The following ADGB variants were observed in gnomAD, a reference collection of about 807,000 sequenced individuals.
ADGB encodes the protein androglobin, also known as calpain-7-like protein.
Under a neutral mutation model 210.5 loss-of-function variants are expected in ADGB, and 172 were observed. That is an observed-to-expected ratio of 0.82 (90% CI 0.72 to 0.93). ADGB has a LOEUF of 0.93. ADGB is among the 40% of genes least tolerant of loss of function. The pLI is 0.00. For synonymous variants in ADGB, 658 were observed against 662.7 expected, an observed-to-expected ratio of 0.99 and a Z score of 0.11; for missense variants, 2,025 against 1,964.8, an observed-to-expected ratio of 1.03 and a Z score of -0.58.
At chr6:146,737,656 C>A (rs1056855141) in intron 23 of ADGB, among the ~76,000 whole-genome samples, 1 of 152,192 alleles carries the variant, frequency 6.6e-6, no homozygotes, top group Non-Finnish European at 1.5e-5. Flanking sequence ...GGAGCACAAA[C>A]CCTCTTTTCC....
At chr6:146,682,511 C>T (rs17076197) in intron 9 of ADGB, among the ~76,000 whole-genome samples, 1,991 of 151,942 alleles carry the variant, frequency 0.013, 49 homozygotes, top group African/African-American at 0.045. Flanking sequence ...TCTTAAATTT[C>T]TTTCTCAATT....
chr6:146,701,736 A>G (rs1246246614), intron 13 of ADGB, among the ~76,000 whole-genome samples: 4 of 152,032 alleles, frequency 2.6e-5, no homozygotes, highest in African/African-American at 7.2e-5. Flanking sequence ...GATAAGGAAC[A>G]TAATTAGCAC....
chr6:146,610,487 T>G (rs1241110450), intron 1 of ADGB, among the ~76,000 whole-genome samples: 1 of 152,206 alleles, frequency 6.6e-6, no homozygotes, highest in Non-Finnish European at 1.5e-5. Flanking sequence ...CTTTAATCAT[T>G]GAAGTTGTTG....
At chr6:146,619,477 T>G (rs536918942) in intron 1 of ADGB, among the ~76,000 whole-genome samples, 1 of 152,220 alleles carries the variant, frequency 6.6e-6, no homozygotes, top group South Asian at 2.1e-4. Context: ...TATTTCTTTA[T>G]AGCTAAATAA....
intron 29 of ADGB, among the ~76,000 whole-genome samples, chr6:146,780,126 T>C (rs187076015): frequency 2.0e-5 from 3 of 152,106 alleles, no homozygotes; most frequent in Admixed American, 2.0e-4. Context: ...GAACAAAGTT[T>C]TTGTATACTA....
chr6:146,801,712 A>T, intron 34 of ADGB, 116 bp from the exon 35 acceptor site: 1 of 843,656 alleles, frequency 1.2e-6, no homozygotes, highest in Non-Finnish European at 1.7e-6. Context: ...CTAATGTTTT[A>T]TTTGACTCAG....
intron 8 of ADGB, among the ~76,000 whole-genome samples, chr6:146,673,230 C>T (rs1413006428): frequency 1.3e-5 from 2 of 152,158 alleles, no homozygotes; most frequent in Non-Finnish European, 2.9e-5. Context: ...GGACATATTG[C>T]TATCAGTATT....
At chr6:146,725,584 G>A (rs1380794610) in intron 18 of ADGB, 6 of 152,306 alleles carry the variant, frequency 3.9e-5, no homozygotes, top group Non-Finnish European at 7.3e-5. Flanking sequence ...CCAGTCCTTG[G>A]TGCCAAAAAG....
chr6:146,630,425 T>C (rs1781047160), intron 1 of ADGB, among the ~76,000 whole-genome samples: 1 of 151,576 alleles, frequency 6.6e-6, no homozygotes, highest in African/African-American at 2.4e-5. Flanking sequence ...AATATGTATA[T>C]AAAGAATAAA....
intron 29 of ADGB, among the ~76,000 whole-genome samples, chr6:146,774,875 G>A (rs1777698959): frequency 1.3e-5 from 2 of 151,926 alleles, no homozygotes; most frequent in Admixed American, 1.3e-4. Context: ...TGGGCTGAAG[G>A]GATTCTCGTG....
At chr6:146,612,303 C>T (rs1404983832) in intron 1 of ADGB, among the ~76,000 whole-genome samples, 1 of 152,160 alleles carries the variant, frequency 6.6e-6, no homozygotes, top group Non-Finnish European at 1.5e-5. Context: ...TGTGATTAAG[C>T]TCATGTTCAA....
intron 29 of ADGB, among the ~76,000 whole-genome samples, chr6:146,775,122 G>A (rs1045069930): frequency 1.3e-4 from 20 of 152,056 alleles, no homozygotes; most frequent in African/African-American, 4.8e-4. Flanking sequence ...AATTGGTTAA[G>A]GGTTTTCTGT....
rs73589849 is a variant in ADGB at position 146,693,202 on chromosome 6, T to A, written c.1577+287T>A. On this transcript the variant is annotated intron_variant, in intron 12 of 35. Coordinates refer to ENST00000397944, the MANE Select transcript of ADGB (RefSeq NM_024694.4). The stretch of plus-strand genomic sequence containing the variant: ...AGGTTAAAGTTCTGACCTGCCAGTG[T>A]GGCTGCATTTGGAGGTAAAGCCTCT... Among the ~76,000 whole-genome samples, 1,205 of 152,276 alleles carry A rather than the reference T, an allele frequency of 7.9e-3. 11 individuals carry two copies. The highest frequency in any genetic ancestry group is 0.027 in the African/African-American group (1,128 of 41,568).
chr6:146,680,614 G>T (rs1205765127), intron 9 of ADGB, among the ~76,000 whole-genome samples: 1 of 152,092 alleles, frequency 6.6e-6, no homozygotes, highest in East Asian at 1.9e-4. Flanking sequence ...GGTAAAACTG[G>T]AACCTGCGAC....
chr6:146,807,776 T>C (rs369967496), intron 35 of ADGB: 1 of 445,718 alleles, frequency 2.2e-6, no homozygotes. Context: ...TTTAAGATGC[T>C]CTAATTTCAA....
intron 35 of ADGB, chr6:146,807,379 T>C (rs1778228225): frequency 6.5e-7 from 1 of 1,547,400 alleles, no homozygotes; most frequent in African/African-American, 1.4e-5. Flanking sequence ...GAATTATTTG[T>C]TTGGGGTTTT....
intron 17 of ADGB, among the ~76,000 whole-genome samples, chr6:146,722,358 C>G (rs1241586251): frequency 2.6e-5 from 4 of 152,130 alleles, no homozygotes; most frequent in African/African-American, 9.7e-5. Context: ...TACCCTGCCA[C>G]TTTTTCTCTG....
chr6:146,794,340 G>A (rs187562712), intron 33 of ADGB, among the ~76,000 whole-genome samples: 20 of 152,234 alleles, frequency 1.3e-4, no homozygotes, highest in Admixed American at 6.5e-5. Flanking sequence ...TAGCTCCGGT[G>A]AGTGGCTGGA....
intron 26 of ADGB, among the ~76,000 whole-genome samples, chr6:146,746,832 A>G (rs1336998385): frequency 3.9e-5 from 6 of 152,182 alleles, no homozygotes; most frequent in Admixed American, 3.9e-4. Flanking sequence ...TGCTCTCCTG[A>G]TGGAACTAAC....
Sources: allele counts gnomAD v4.1 joint callset (sites outside exome capture counted in the v4.1 genomes callset), GRCh38; gene constraint gnomAD v4.1.1; transcripts MANE v1.5; gene names NCBI Gene and HGNC (gene_info 2026-07-23, HGNC 2026-07-21).